Variants in FAM153A observed in about 807,000 individuals in gnomAD.
The protein encoded by FAM153A is family with sequence similarity 153 member A.
Under a neutral mutation model 48.1 loss-of-function variants are expected in FAM153A, and 12 were observed. That is an observed-to-expected ratio of 0.25 (90% confidence interval 0.16 to 0.40). The LOEUF is 0.40. Among genes scored for constraint, FAM153A ranks in the 10% least tolerant of loss-of-function variants. FAM153A has a pLI of 1.00. For synonymous variants in FAM153A, 36 were observed against 118.2 expected (o/e 0.30, Z 4.51); for missense variants, 111 against 345.8 (o/e 0.32, Z 5.38).
chr5:177,733,356 C>T (rs2127634726), intron 14 of FAM153A, among the ~76,000 whole-genome samples: 2 of 144,858 alleles, frequency 1.4e-5, no homozygotes, highest in South Asian at 4.4e-4. Context: ...AAGTGCTCGC[C>T]CTGCCTCTCA....
chr5:177,755,484 G>A (rs7447388), upstream of FAM153A, among the ~76,000 whole-genome samples: 143,395 of 151,528 alleles, frequency 0.95, 68,027 homozygotes, highest in East Asian at 1. Flanking sequence ...AATACAGAGA[G>A]TGCCACAAAC....
chr5:177,701,998 C>G, the FAM153A span, among the ~76,000 whole-genome samples: 240 of 151,694 alleles, frequency 1.6e-3, no homozygotes, highest in Non-Finnish European at 2.8e-3. Flanking sequence ...AGCTCCGCCT[C>G]CCGGGTTCAC....
At chr5:177,709,445 TC>T (rs1208692659), downstream of FAM153A, among the ~76,000 whole-genome samples, 1 of 145,988 alleles carries the variant, frequency 6.8e-6, no homozygotes, top group Non-Finnish European at 1.5e-5. Flanking sequence ...CATTGCAACC[TC>T]CACCTTCCAG....
downstream of FAM153A, among the ~76,000 whole-genome samples, chr5:177,709,663 GTTTT>G (rs1202003911): frequency 7.7e-6 from 1 of 129,728 alleles, no homozygotes; most frequent in Non-Finnish European, 1.6e-5. Flanking sequence ...GCCCGGCTGG[GTTTT>G]TTTTTTGTTT....
At chr5:177,737,476 G>A (rs1336515052) in intron 10 of FAM153A, among the ~76,000 whole-genome samples, 12 of 150,850 alleles carry the variant, frequency 8.0e-5, no homozygotes. Context: ...TCCTCCCCAG[G>A]ATCCACATGT....
chr5:177,758,487 T>C (rs975915141), intron 1 of FAM153A, among the ~76,000 whole-genome samples: 3 of 142,538 alleles, frequency 2.1e-5, no homozygotes, highest in African/African-American at 5.1e-5. Flanking sequence ...TTAAAGTTCA[T>C]ATGGAACCAA....
chr5:177,714,897 G>GT (rs1229137060), intron 25 of FAM153A, among the ~76,000 whole-genome samples: 1 of 105,084 alleles, frequency 9.5e-6, no homozygotes, highest in African/African-American at 3.5e-5. Flanking sequence ...AAAAAAGCTT[G>GT]TACATATTCA....
intron 1 of FAM153A, among the ~76,000 whole-genome samples, chr5:177,760,012 T>G (rs28473367): frequency 7.0e-6 from 1 of 142,460 alleles, no homozygotes; most frequent in Admixed American, 6.9e-5. Flanking sequence ...AGATGTTGCA[T>G]TTTTTTTCAG....
At chr5:177,781,264 AT>A (rs1303137176), upstream of FAM153A, among the ~76,000 whole-genome samples, 8,848 of 75,488 alleles carry the variant, frequency 0.12, 119 homozygotes, top group Middle Eastern at 0.17. Flanking sequence ...ACGCCCGGCT[AT>A]TTTTTTTTTT....
the FAM153A span, among the ~76,000 whole-genome samples, chr5:177,694,961 T>C: frequency 2.0e-5 from 3 of 151,670 alleles, no homozygotes; most frequent in African/African-American, 7.3e-5. Context: ...TCTCACTTGG[T>C]TGCCCAGGCT....
At chr5:177,753,194 A>G (rs1351038533) in exon 1 of FAM153A, 2 of 1,611,644 alleles carry the variant, frequency 1.2e-6, no homozygotes, top group Non-Finnish European at 1.7e-6. Context: ...CAACAACTAT[A>G]AACACATCCC....
chr5:177,718,272 T>C (rs892174082), downstream of FAM153A: 3 of 61,494 alleles, frequency 4.9e-5, 1 homozygote, highest in Non-Finnish European at 1.1e-4. Flanking sequence ...CCTTTTAATT[T>C]TCTGTAGGCA....
chr5:177,717,086 G>C (rs1322249951), intron 24 of FAM153A: 4 of 148,694 alleles, frequency 2.7e-5, no homozygotes, highest in Admixed American at 1.4e-4. Context: ...GAGCTAAATC[G>C]TACCAAAGAA....
At chr5:177,753,895 A>T (rs188787317), upstream of FAM153A, among the ~76,000 whole-genome samples, 28 of 152,076 alleles carry the variant, frequency 1.8e-4, no homozygotes, top group East Asian at 3.1e-3. Flanking sequence ...TCCAGTCTGC[A>T]GCTCCCAGCG....
the FAM153A span, among the ~76,000 whole-genome samples, chr5:177,700,317 T>C: frequency 3.3e-5 from 5 of 152,026 alleles, 1 homozygote; most frequent in South Asian, 8.3e-4. Context: ...TTTCTATTAA[T>C]ATTGTATTGG....
At chr5:177,714,433 A>T (rs1174650261) in intron 25 of FAM153A, among the ~76,000 whole-genome samples, 1 of 151,012 alleles carries the variant, frequency 6.6e-6, no homozygotes, top group African/African-American at 2.5e-5. Flanking sequence ...TGACAATTTT[A>T]TAAAATAAAT....
downstream of FAM153A, among the ~76,000 whole-genome samples, chr5:177,705,616 C>T (rs539990957): frequency 6.9e-6 from 1 of 144,502 alleles, no homozygotes; most frequent in Non-Finnish European, 1.5e-5. Context: ...AAGTGTAAAA[C>T]TTGTGCACTG....
chr5:177,696,812 A>AT, the FAM153A span, among the ~76,000 whole-genome samples: 1 of 151,628 alleles, frequency 6.6e-6, no homozygotes, highest in Non-Finnish European at 1.5e-5. Context: ...TACTATAAGC[A>AT]TGAGCCATCG....
downstream of FAM153A, among the ~76,000 whole-genome samples, chr5:177,705,619 G>A (rs1238117331): frequency 1.4e-5 from 2 of 142,228 alleles, no homozygotes; most frequent in Non-Finnish European, 3.1e-5. Context: ...TGTAAAACTT[G>A]TGCACTGAAA....
Sources: gnomAD v4.1 joint callset for allele counts (sites outside exome capture counted in the v4.1 genomes callset) on GRCh38, gnomAD v4.1.1 for gene constraint, MANE v1.5 for transcripts, NCBI Gene and HGNC (gene_info 2026-07-23, HGNC 2026-07-21) for gene names.